The following ZNF438 variants were observed in gnomAD, a reference collection of about 807,000 sequenced individuals.
ZNF438 encodes zinc finger protein 438.
A neutral mutation model predicts 38.0 loss-of-function variants in ZNF438; 25 were observed. The ratio of observed to expected loss-of-function variants is 0.66; its 90% confidence interval spans 0.48 to 0.92. The LOEUF (loss-of-function observed/expected upper bound fraction) is 0.92. Ranked by LOEUF, ZNF438 falls within the 40% of genes least tolerant of loss-of-function variation. The pLI is 0.00. For synonymous variants in ZNF438, 372 were observed against 364.1 expected (o/e 1.02, Z -0.25); for missense variants, 1,007 against 999.6 (o/e 1.01, Z -0.10).
chr10:30,934,501 A>G (rs1377440746), intron 2 of ZNF438, among the ~76,000 whole-genome samples: 1 of 152,210 alleles, frequency 6.6e-6, no homozygotes, highest in Non-Finnish European at 1.5e-5. Flanking sequence ...CATATATTTG[A>G]AGCATTTGTA....
chr10:31,019,642 C>T (rs115632925), intron 1 of ZNF438, among the ~76,000 whole-genome samples: 2 of 152,200 alleles, frequency 1.3e-5, no homozygotes, highest in African/African-American at 4.8e-5. Flanking sequence ...GACAAAAAGG[C>T]AGAGGCAGAC....
chr10:30,850,540 T>A (rs953765453), intron 4 of ZNF438, among the ~76,000 whole-genome samples, 173 bp from the exon 6 acceptor site: 1 of 152,214 alleles, frequency 6.6e-6, no homozygotes, highest in Non-Finnish European at 1.5e-5. Context: ...AATTCCTGCC[T>A]ACCTTCCCCA....
intron 4 of ZNF438, among the ~76,000 whole-genome samples, chr10:30,874,088 G>A (rs1486186631): frequency 5.9e-5 from 5 of 84,866 alleles, no homozygotes; most frequent in South Asian, 3.6e-4. Context: ...AATATATTAC[G>A]TGTGGGTGTG....
intron 1 of ZNF438, among the ~76,000 whole-genome samples, chr10:31,018,575 A>G (rs149785449): frequency 6.6e-6 from 1 of 152,314 alleles, no homozygotes; most frequent in Non-Finnish European, 1.5e-5. Context: ...CCAGTGCTAT[A>G]CATTTCAGCT....
At position 30,868,967 on chromosome 10, in the gene ZNF438, T is replaced by A. The variant is rs76858782; in HGVS notation, c.37+8031A>T. 5.2e-3 allele frequency among the ~76,000 whole-genome samples: 793 copies of A among 152,344 alleles called. 9 individuals are homozygous for A. The highest frequency in any genetic ancestry group is 0.018 in the African/African-American group (749 of 41,584). On this transcript the variant is annotated intron_variant, in intron 4 of 5. Coordinates refer to ENST00000413025, the Ensembl canonical transcript of ZNF438. ...GAGATGTGATGCTATGAAATATATT[T>A]ACATGGTTAATTGGAATTTCTGAGA...
At chr10:30,936,227 A>G (rs922675124) in intron 2 of ZNF438, among the ~76,000 whole-genome samples, 1 of 152,224 alleles carries the variant, frequency 6.6e-6, no homozygotes, top group Non-Finnish European at 1.5e-5. Flanking sequence ...TAAAGTGGAA[A>G]AATACATGTA....
At chr10:31,021,390 C>T (rs993402625) in intron 1 of ZNF438, among the ~76,000 whole-genome samples, 1 of 151,638 alleles carries the variant, frequency 6.6e-6, no homozygotes, top group Non-Finnish European at 1.5e-5. Context: ...ATAGATAGTA[C>T]AGTAGTTCTT....
intron 1 of ZNF438, among the ~76,000 whole-genome samples, chr10:31,014,800 AAT>A (rs1176164730): frequency 2.6e-5 from 4 of 152,162 alleles, no homozygotes; most frequent in African/African-American, 4.8e-5. Flanking sequence ...ACATGCAATA[AAT>A]ATGTCATTCT....
chr10:30,892,446 G>A (rs908169072), intron 3 of ZNF438, among the ~76,000 whole-genome samples: 1 of 152,066 alleles, frequency 6.6e-6, no homozygotes, highest in Non-Finnish European at 1.5e-5. Flanking sequence ...TCAGGTAACT[G>A]AAATGAGAAG....
intron 3 of ZNF438, among the ~76,000 whole-genome samples, chr10:30,878,238 A>G (rs983734775): frequency 2.6e-5 from 4 of 152,138 alleles, no homozygotes; most frequent in Non-Finnish European, 5.9e-5. Context: ...TGCCTTTTCC[A>G]AAACTACCCA....
At chr10:30,907,257 G>A (rs906619010) in intron 3 of ZNF438, among the ~76,000 whole-genome samples, 2 of 152,142 alleles carry the variant, frequency 1.3e-5, no homozygotes, top group Non-Finnish European at 2.9e-5. Flanking sequence ...TTACAACTGT[G>A]AGCCACCACA....
In ZNF438 at chr10:30,874,110, GTGTGTATATATATATATATATA is replaced by G. The variant is rs1714869935; in HGVS notation, c.37+2866_37+2887del. Among the ~76,000 whole-genome samples the G allele has an allele frequency of 3.5e-3, 110 of 31,650 alleles. 3 individuals carry two copies. Among genetic ancestry groups the G allele is most frequent in the African/African-American group, 6.8e-3 (39 of 5,766 alleles). The allele number at this position is 31,650 out of a possible 152,430, so 20.8% of individuals were successfully genotyped here. A position where few individuals can be genotyped will look rare whatever the true frequency, so the allele number is the denominator to read the frequency against. On this transcript the variant is annotated intron_variant, in intron 4 of 5. Coordinates refer to ENST00000413025, the Ensembl canonical transcript of ZNF438. ...TACGTGTGGGTGTGTGGGGGTGTGT[GTGTGTATATATATATATATATA>G]TATATATATATATATATATATATAT...
intron 1 of ZNF438, among the ~76,000 whole-genome samples, chr10:30,988,176 A>T (rs1272944624): frequency 6.6e-6 from 1 of 152,144 alleles, no homozygotes; most frequent in Non-Finnish European, 1.5e-5. Context: ...GAATATTTAC[A>T]TATTAAACTA....
intron 2 of ZNF438, among the ~76,000 whole-genome samples, chr10:30,914,187 A>G (rs1321632044): frequency 3.9e-5 from 6 of 152,152 alleles, no homozygotes; most frequent in Admixed American, 3.9e-4. Context: ...AAGAGAATGA[A>G]AAAGTTAAAT....
intron 1 of ZNF438, among the ~76,000 whole-genome samples, chr10:30,971,074 CA>C: frequency 6.6e-6 from 1 of 152,188 alleles, no homozygotes; most frequent in Admixed American, 6.5e-5. Context: ...AAAATCATTC[CA>C]AATGTTTTGG....
At chr10:30,963,497 T>G (rs1362204922) in intron 1 of ZNF438, among the ~76,000 whole-genome samples, 1 of 151,842 alleles carries the variant, frequency 6.6e-6, no homozygotes, top group Non-Finnish European at 1.5e-5. Context: ...CCTATCTACG[T>G]GTAAAAAAAT....
chr10:31,000,463 C>T (rs995126566), intron 1 of ZNF438, among the ~76,000 whole-genome samples: 18 of 152,176 alleles, frequency 1.2e-4, no homozygotes, highest in African/African-American at 4.3e-4. Context: ...TCCTTTTTCT[C>T]TCTACCCCCA....
chr10:30,955,393 T>C (rs1208087757), intron 1 of ZNF438, among the ~76,000 whole-genome samples: 3 of 152,266 alleles, frequency 2.0e-5, no homozygotes, highest in Non-Finnish European at 2.9e-5. Flanking sequence ...TGTGACTCCT[T>C]TGACCAACAG....
intron 1 of ZNF438, among the ~76,000 whole-genome samples, chr10:31,004,628 C>T (rs895076916): frequency 6.6e-6 from 1 of 152,074 alleles, no homozygotes; most frequent in Admixed American, 6.6e-5. Flanking sequence ...GGCTGCTGAG[C>T]GTATCATTAA....
Sources: allele counts gnomAD v4.1 joint callset (sites outside exome capture counted in the v4.1 genomes callset), GRCh38; gene constraint gnomAD v4.1.1; transcripts MANE v1.5; gene names NCBI Gene and HGNC (gene_info 2026-07-23, HGNC 2026-07-21).